Variants in ALPK2 observed in about 807,000 individuals in gnomAD.
The protein encoded by ALPK2 is alpha kinase 2, also known as alpha-protein kinase 2.
A neutral mutation model predicts 163.1 loss-of-function variants in ALPK2; 127 were observed. The ratio of observed to expected loss-of-function variants is 0.78; its 90% CI spans 0.67 to 0.90. The LOEUF is 0.90. ALPK2 is among the 40% of genes least tolerant of loss of function. The probability of loss-of-function intolerance (pLI) is 0.00; values close to 1 mark genes in which losing one functional copy is unlikely to be tolerated. For synonymous variants in ALPK2, 953 were observed against 959.1 expected (o/e 0.99, Z 0.12); for missense variants, 2,360 against 2,589.6 (o/e 0.91, Z 1.92).
intron 3 of ALPK2, among the ~76,000 whole-genome samples, chr18:58,605,516 T>TC (rs199641807): frequency 0.012 from 1,825 of 152,228 alleles, 13 homozygotes; most frequent in Non-Finnish European, 0.02. Flanking sequence ...GAGGGCTACT[T>TC]CCCCCTGTGA....
At chr18:58,514,026 T>C (rs565339285) in intron 10 of ALPK2, among the ~76,000 whole-genome samples, 9 of 152,250 alleles carry the variant, frequency 5.9e-5, no homozygotes, top group Non-Finnish European at 8.8e-5. Context: ...GAAGAAAACT[T>C]AAGAGGACAG....
rs11286325 is a variant in ALPK2, at chr18:58,590,218, T to TA, written c.228-9671dup. Among the ~76,000 whole-genome samples, 388 of 97,184 alleles carry TA rather than the reference T, an allele frequency of 4.0e-3. 1 individual carries two copies. The highest frequency in any genetic ancestry group is 0.012 in the African/African-American group (285 of 24,356). The allele number at this position is 97,184 out of a possible 152,430, so 63.8% of individuals were successfully genotyped here. A position where few individuals can be genotyped will look rare whatever the true frequency, so the allele number is the denominator to read the frequency against. On this transcript the variant is annotated intron_variant, in intron 3 of 12. Transcript: ENST00000361673. ...CTGGGCGACAGAGCGAGGCTCCATC[T>TA]AAAAAAAAAAAAAAAAAAAAAAGAT...
intron 4 of ALPK2, among the ~76,000 whole-genome samples, chr18:58,566,245 C>A (rs2051852502): frequency 6.6e-6 from 1 of 152,128 alleles, no homozygotes; most frequent in Non-Finnish European, 1.5e-5. Context: ...CATATGGTGG[C>A]TAATTGTGTC....
intron 4 of ALPK2, among the ~76,000 whole-genome samples, chr18:58,551,602 C>G (rs559784593): frequency 3.3e-5 from 5 of 152,330 alleles, no homozygotes; most frequent in African/African-American, 7.2e-5. Flanking sequence ...TTTGGCCCCC[C>G]ACTCCATGGT....
intron 8 of ALPK2, among the ~76,000 whole-genome samples, chr18:58,517,563 G>A (rs969469539): frequency 3.9e-5 from 6 of 152,098 alleles, no homozygotes; most frequent in African/African-American, 7.2e-5. Context: ...TGATAATATC[G>A]GACCAACCTT....
chr18:58,531,478 C>A (rs918705768), intron 5 of ALPK2, among the ~76,000 whole-genome samples: 1 of 152,038 alleles, frequency 6.6e-6, no homozygotes, highest in Non-Finnish European at 1.5e-5. Context: ...ACTTCCTAAT[C>A]TGGTGTCTTC....
intron 2 of ALPK2, 49 bp from the exon 3 acceptor site, chr18:58,607,488 GAAA>G (rs113295953): frequency 2.7e-5 from 24 of 903,876 alleles, no homozygotes; most frequent in South Asian, 8.5e-5. Context: ...GTATTTTTAG[GAAA>G]AAAAAAAAAA....
At chr18:58,509,756 T>A (rs2144118548) in intron 10 of ALPK2, among the ~76,000 whole-genome samples, 1 of 152,094 alleles carries the variant, frequency 6.6e-6, no homozygotes, top group Middle Eastern at 3.4e-3. Context: ...GTAAATTTGT[T>A]TGAGTTCATT....
chr18:58,489,560 G>A (rs1388640244), intron 12 of ALPK2, among the ~76,000 whole-genome samples: 1 of 152,050 alleles, frequency 6.6e-6, no homozygotes, highest in African/African-American at 2.4e-5. Context: ...GGTGGTGCAT[G>A]CCTGTAGTTC....
At chr18:58,571,106 C>T (rs1204783887) in intron 4 of ALPK2, among the ~76,000 whole-genome samples, 4 of 152,192 alleles carry the variant, frequency 2.6e-5, no homozygotes, top group Non-Finnish European at 5.9e-5. Flanking sequence ...ACTGCAACCT[C>T]CACCTCCCAC....
chr18:58,592,288 A>G (rs1389150255), intron 3 of ALPK2, among the ~76,000 whole-genome samples: 1 of 152,188 alleles, frequency 6.6e-6, no homozygotes, highest in Non-Finnish European at 1.5e-5. Context: ...TTAAACAGGG[A>G]GCAGTACACA....
chr18:58,578,087 A>T (rs2051931375), intron 4 of ALPK2: 1 of 152,234 alleles, frequency 6.6e-6, no homozygotes, highest in Non-Finnish European at 1.5e-5. Flanking sequence ...TTGTGCATTG[A>T]TTATTCCTAT....
chr18:58,579,210 T>TC lies in ALPK2; in HGVS notation c.1565dup (p.Asp524GlyfsTer49), dbSNP rs764253604. ...AACCCCTCTTGCTCCATAAGTCCTT[T>TC]CCCCCCACTCTCTTGTCAGCTGCCG... On this transcript the variant is annotated frameshift_variant, in exon 4 of 13. Transcript: ENST00000361673. LOFTEE classifies it high-confidence loss of function. The TC allele has an allele frequency of 8.6e-5, 139 of 1,613,734 alleles. No homozygotes were observed. Among genetic ancestry groups the TC allele is most frequent in the Non-Finnish European group, 1.1e-4 (124 of 1,179,948 alleles).
intron 3 of ALPK2, among the ~76,000 whole-genome samples, chr18:58,582,303 C>G (rs1319480730): frequency 6.6e-6 from 1 of 152,206 alleles, no homozygotes; most frequent in African/African-American, 2.4e-5. Flanking sequence ...AAAGATATCT[C>G]TGGTGCTGAA....
At chr18:58,558,936 G>A (rs1017301736) in intron 4 of ALPK2, among the ~76,000 whole-genome samples, 1 of 152,192 alleles carries the variant, frequency 6.6e-6, no homozygotes, top group Non-Finnish European at 1.5e-5. Context: ...AAGGGGAGAG[G>A]AAGTGACTGT....
intron 3 of ALPK2, among the ~76,000 whole-genome samples, chr18:58,601,893 G>C (rs2052071947): frequency 6.6e-6 from 1 of 152,184 alleles, no homozygotes; most frequent in African/African-American, 2.4e-5. Flanking sequence ...TGGTGCTCCA[G>C]ACATCTTAGA....
chr18:58,482,721 CAG>C (rs1370289691), intron 12 of ALPK2, among the ~76,000 whole-genome samples: 8 of 152,176 alleles, frequency 5.3e-5, no homozygotes, highest in Admixed American at 1.3e-4. Context: ...GGAGTAGTCT[CAG>C]GGGTTGTTCC....
chr18:58,559,905 A>G (rs1320238866), intron 4 of ALPK2, among the ~76,000 whole-genome samples: 1 of 152,232 alleles, frequency 6.6e-6, no homozygotes, highest in Non-Finnish European at 1.5e-5. Context: ...TAACTGCTGT[A>G]ACAAATGACC....
chr18:58,514,832 T>C (rs558398422), intron 10 of ALPK2, among the ~76,000 whole-genome samples, 161 bp downstream of exon 10: 8 of 150,792 alleles, frequency 5.3e-5, no homozygotes, highest in Non-Finnish European at 1.0e-4. Context: ...TTAAATATCC[T>C]ACCCAGCAAG....
Sources: gnomAD v4.1 joint callset for allele counts (sites outside exome capture counted in the v4.1 genomes callset) on GRCh38, gnomAD v4.1.1 for gene constraint, MANE v1.5 for transcripts, NCBI Gene and HGNC (gene_info 2026-07-23, HGNC 2026-07-21) for gene names.